The following NMT2 variants were observed in gnomAD, a reference collection of about 807,000 sequenced individuals.
The protein encoded by NMT2 is N-myristoyltransferase 2.
In NMT2, 35 loss-of-function variants were observed where a neutral mutation model predicts 65.4. The observed-to-expected ratio is 0.54, with a 90% CI of 0.41 to 0.71. The LOEUF (loss-of-function observed/expected upper bound fraction) is 0.71. Among genes scored for constraint, NMT2 ranks in the 30% least tolerant of loss-of-function variants. NMT2 has a pLI of 0.00. For missense variants in NMT2, 489 were observed against 611.3 expected (o/e 0.80, Z 2.11); for synonymous variants, 226 against 231.8 (o/e 0.98, Z 0.23).
rs183473148 is a variant in NMT2, at chr10:15,141,771, G to A, written c.111-214C>T. 4.3e-3 allele frequency among the ~76,000 whole-genome samples: 657 copies of A among 152,320 alleles called. 6 individuals are homozygous for A. Among genetic ancestry groups the A allele is most frequent in the African/African-American group, 0.015 (633 of 41,568 alleles). On this transcript the variant is annotated intron_variant, in intron 1 of 11. Coordinates refer to ENST00000378165, the MANE Select transcript of NMT2 (RefSeq NM_004808.3). ...CAGCCCCCGCTCAGTCATCCTGCAG[G>A]TGCTTAGAAGTCACGAAGCAGGAAG...
At chr10:15,111,770 G>C (rs1845527270) in intron 10 of NMT2, 1 of 151,570 alleles carries the variant, frequency 6.6e-6, no homozygotes, top group Non-Finnish European at 1.5e-5. Context: ...TGTTGACTTG[G>C]GGATCCAAAG....
At chr10:15,166,660 T>C (rs539480752) in intron 1 of NMT2, among the ~76,000 whole-genome samples, 4 of 152,358 alleles carry the variant, frequency 2.6e-5, no homozygotes, top group Admixed American at 2.6e-4. Flanking sequence ...GCTATTAACA[T>C]GGTATCTGCT....
At chr10:15,168,056 G>A (rs975445453) in intron 1 of NMT2, among the ~76,000 whole-genome samples, 3 of 152,202 alleles carry the variant, frequency 2.0e-5, no homozygotes, top group African/African-American at 4.8e-5. Flanking sequence ...CTGCGGAGAG[G>A]GAGTCTGAAG....
Position 15,108,563 on chromosome 10 carries a change from A to G in NMT2, c.*632T>C. ...GCAATCCACTGACCTGGTAAAGATC[A>G]AAGTACAAACTTGCATGTTTATTGA... is the stretch of plus-strand genomic sequence containing the variant. On this transcript the variant is annotated 3_prime_UTR_variant, in exon 12 of 12. Transcript: ENST00000378165. 1.0e-6 allele frequency: 1 copy of G among 986,028 alleles called. No individual in the cohort carries two copies. Among genetic ancestry groups the G allele is most frequent in the South Asian group, 4.7e-5 (1 of 21,308 alleles). 61.1% of individuals were successfully genotyped at this position (986,028 alleles called of 1,614,324 possible). A position where few individuals can be genotyped will look rare whatever the true frequency, so the allele number is the denominator to read the frequency against.
rs1212426157 is a variant in NMT2 at position 15,132,830 on chromosome 10, G to T, written c.706C>A (p.Arg236=). ...GFISAIPANI[R]IYDSVKKMVE... is the part of the protein sequence containing the mutation. The stretch of plus-strand genomic sequence containing the variant: ...TTAAACATGTACCTGTCATAAATCC[G>T]AATGTTTGCTGGGATGGCACTTATG... The change falls in exon 6 of 12, where the codon CGG becomes AGG. Residue 236 remains arginine (R), a synonymous_variant. Coordinates refer to ENST00000378165, the MANE Select transcript of NMT2 (RefSeq NM_004808.3). 1.9e-6 allele frequency: 3 copies of T among 1,609,294 alleles called. No individual in the cohort carries two copies. The highest frequency in any genetic ancestry group is 2.2e-5 in the South Asian group (2 of 90,652).
intron 9 of NMT2, among the ~76,000 whole-genome samples, chr10:15,114,412 C>T (rs1164403519): frequency 6.6e-6 from 1 of 151,882 alleles, no homozygotes; most frequent in Non-Finnish European, 1.5e-5. Context: ...TCCATTGTCC[C>T]TCACACCCAA....
chr10:15,109,603 C>CA lies in NMT2; in HGVS notation c.1476+98dup, dbSNP rs1271959464. ...TAAATAAATAAATAAATAAAATGAA[C>CA]AAAAATAAAATAAAGCTGTCTTAAG... On this transcript the variant is annotated intron_variant, in intron 11 of 11. Transcript: ENST00000378165. 9 of 934,694 alleles carry CA rather than the reference C, an allele frequency of 9.6e-6. No individual in the cohort carries two copies. In the East Asian group the frequency reaches 2.4e-4, roughly 25 times the overall value. The allele number at this position is 934,694 out of a possible 1,614,324, so 57.9% of individuals were successfully genotyped here.
rs1449255165 is a variant in NMT2 at position 15,119,399 on chromosome 10, C to G, written c.1114G>C (p.Glu372Gln). 6.2e-7 allele frequency: 1 copy of G among 1,614,190 alleles called. No individual in the cohort carries two copies. Among genetic ancestry groups the G allele is most frequent in the Admixed American group, 1.7e-5 (1 of 60,018 alleles). The part of the protein sequence containing the change: ...FHLAPVMDEE[E>Q]VAHWFLPREH... Reference sequence around the variant, plus strand: ...CGGGGGAGGAACCAGTGGGCTACTTCCTCTTCATCCATCACTGGAGCCAGA... The same window carrying G: ...CGGGGGAGGAACCAGTGGGCTACTTGCTCTTCATCCATCACTGGAGCCAGA... The change falls in exon 9 of 12, where the codon GAA becomes CAA. Residue 372 changes from glutamate (E) to glutamine (Q), a missense_variant. Glu to Gln is a conservative substitution (Grantham distance 29). Coordinates refer to ENST00000378165, the MANE Select transcript of NMT2 (RefSeq NM_004808.3).
At chr10:15,144,928 T>A (rs1846910654) in intron 1 of NMT2, among the ~76,000 whole-genome samples, 1 of 152,126 alleles carries the variant, frequency 6.6e-6, no homozygotes, top group Non-Finnish European at 1.5e-5. Flanking sequence ...AAAACTTATG[T>A]CCACACAGGA....
At chr10:15,127,077 A>C (rs932889558) in intron 8 of NMT2, among the ~76,000 whole-genome samples, 3 of 151,236 alleles carry the variant, frequency 2.0e-5, no homozygotes, top group African/African-American at 7.3e-5. Context: ...TCTACTAAAA[A>C]TACAAAAATC....
intron 8 of NMT2, among the ~76,000 whole-genome samples, chr10:15,124,310 T>A (rs1433903344): frequency 6.6e-6 from 1 of 152,206 alleles, no homozygotes; most frequent in South Asian, 2.1e-4. Context: ...CTTAGTATTT[T>A]AGGTAACAGT....
intron 1 of NMT2, among the ~76,000 whole-genome samples, chr10:15,153,422 A>G (rs1832873198): frequency 6.6e-6 from 1 of 152,202 alleles, no homozygotes; most frequent in Admixed American, 6.5e-5. Flanking sequence ...CCTTGCCACC[A>G]CTGGAAGGAC....
chr10:15,133,444 G>T, intron 3 of NMT2, 81 bp from the exon 4 acceptor site: 1 of 1,112,990 alleles, frequency 9.0e-7, no homozygotes, highest in Non-Finnish European at 1.4e-6. Context: ...ATCCAAAGTG[G>T]TCAGTGACAT....
intron 1 of NMT2, among the ~76,000 whole-genome samples, chr10:15,149,167 G>A (rs1041488932): frequency 2.0e-5 from 3 of 146,502 alleles, no homozygotes; most frequent in East Asian, 4.1e-4. Flanking sequence ...CACCATCACT[G>A]CCGCCATCAC....
intron 1 of NMT2, among the ~76,000 whole-genome samples, chr10:15,153,217 T>C (rs1353239616): frequency 6.6e-6 from 1 of 152,166 alleles, no homozygotes; most frequent in Non-Finnish European, 1.5e-5. Flanking sequence ...AGTCAGGAGT[T>C]CCAGGCCAGC....
At chr10:15,157,311 G>A (rs1833036466) in intron 1 of NMT2, among the ~76,000 whole-genome samples, 1 of 152,210 alleles carries the variant, frequency 6.6e-6, no homozygotes, top group East Asian at 1.9e-4. Flanking sequence ...GGGAAAGCAT[G>A]ACAGGCCACT....
At chr10:15,116,316 A>G (rs1845743337) in intron 9 of NMT2, among the ~76,000 whole-genome samples, 1 of 152,214 alleles carries the variant, frequency 6.6e-6, no homozygotes, top group African/African-American at 2.4e-5. Flanking sequence ...GAACAGCACA[A>G]TTCTAAGTAG....
chr10:15,139,108 A>G (rs1345627495), intron 2 of NMT2, among the ~76,000 whole-genome samples: 1 of 152,164 alleles, frequency 6.6e-6, no homozygotes, highest in African/African-American at 2.4e-5. Flanking sequence ...TCTTTCTCCC[A>G]TACTGGATGC....
rs771967063 is a variant in NMT2 at position 15,119,360 on chromosome 10, C to G, written c.1153G>C (p.Asp385His). The G allele has an allele frequency of 8.7e-6, 14 of 1,614,122 alleles. No homozygotes were observed. The South Asian group carries it at 1.5e-4, about 18-fold the overall frequency. ...GTCTTTACCTCCACTACAAACGTGT[C>G]AATAATGTGCTCCCGGGGGAGGAAC... ...HWFLPREHII[D>H]TFVVESPNGK... is the part of the protein sequence containing the mutation. Residue 385 changes from aspartate to histidine, a missense_variant, in exon 9 of 12, where the codon GAC becomes CAC. Asp to His is a moderately conservative substitution (Grantham distance 81). Coordinates refer to ENST00000378165, the MANE Select transcript of NMT2 (RefSeq NM_004808.3).
Sources: gnomAD v4.1 joint callset for allele counts (sites outside exome capture counted in the v4.1 genomes callset) on GRCh38, gnomAD v4.1.1 for gene constraint, MANE v1.5 for transcripts, NCBI Gene and HGNC (gene_info 2026-07-23, HGNC 2026-07-21) for gene names.